The following SCHIP1 variants were observed in gnomAD, a reference collection of about 807,000 sequenced individuals.
SCHIP1 encodes the protein schwannomin-interacting protein 1.
Under a neutral mutation model 29.7 loss-of-function variants are expected in SCHIP1, and 8 were observed. That is an observed-to-expected ratio of 0.27 (90% CI 0.16 to 0.49). The LOEUF (loss-of-function observed/expected upper bound fraction) is 0.49, where lower values mean the gene tolerates loss of function less well. Ranked by LOEUF, SCHIP1 falls within the 20% of genes least tolerant of loss-of-function variation. The probability of loss-of-function intolerance (pLI) is 0.99; values close to 1 mark genes in which losing one functional copy is unlikely to be tolerated. For missense variants in SCHIP1, 193 were observed against 294.6 expected, an observed-to-expected ratio of 0.66 and a Z score of 2.52; for synonymous variants, 76 against 94.9, an observed-to-expected ratio of 0.80 and a Z score of 1.16.
the SCHIP1 span, among the ~76,000 whole-genome samples, chr3:159,834,559 T>C: frequency 6.6e-6 from 1 of 152,186 alleles, no homozygotes; most frequent in African/African-American, 2.4e-5. Context: ...TGCGAAGCAT[T>C]TTTAAAGGTT....
At chr3:159,302,390 C>G in the SCHIP1 span, among the ~76,000 whole-genome samples, 1 of 152,008 alleles carries the variant, frequency 6.6e-6, no homozygotes, top group Non-Finnish European at 1.5e-5. Flanking sequence ...AATATAGTAC[C>G]TGGGATTTTA....
At chr3:159,355,340 A>G in the SCHIP1 span, among the ~76,000 whole-genome samples, 2 of 152,164 alleles carry the variant, frequency 1.3e-5, no homozygotes, top group South Asian at 4.1e-4. Flanking sequence ...GCAGAAACCA[A>G]TGACACTCAT....
At chr3:159,629,268 G>C in the SCHIP1 span, among the ~76,000 whole-genome samples, 1 of 151,868 alleles carries the variant, frequency 6.6e-6, no homozygotes, top group African/African-American at 2.4e-5. Context: ...AACAGAAAGA[G>C]ACCCTGTCTA....
intron 2 of SCHIP1, among the ~76,000 whole-genome samples, chr3:159,867,989 A>G (rs1304730884): frequency 6.9e-6 from 1 of 144,172 alleles, no homozygotes; most frequent in African/African-American, 2.7e-5. Flanking sequence ...ATATATATAT[A>G]TAAATCAATG....
At chr3:159,524,443 C>T in the SCHIP1 span, among the ~76,000 whole-genome samples, 1 of 152,162 alleles carries the variant, frequency 6.6e-6, no homozygotes, top group African/African-American at 2.4e-5. Flanking sequence ...TTCATCTTGC[C>T]CAGATTCCTG....
the SCHIP1 span, chr3:159,768,301 T>C: frequency 6.6e-6 from 1 of 152,342 alleles, no homozygotes; most frequent in South Asian, 2.1e-4. Flanking sequence ...AAAACCCCCT[T>C]ACTTATGAGT....
At chr3:159,454,156 G>C in the SCHIP1 span, among the ~76,000 whole-genome samples, 2 of 152,228 alleles carry the variant, frequency 1.3e-5, no homozygotes, top group South Asian at 4.1e-4. Flanking sequence ...GAATCACAAG[G>C]GGAACCTGAA....
the SCHIP1 span, among the ~76,000 whole-genome samples, chr3:159,551,666 T>C: frequency 6.6e-6 from 1 of 152,210 alleles, no homozygotes; most frequent in African/African-American, 2.4e-5. Context: ...ATGTTAAGTT[T>C]TACCACCATG....
chr3:159,791,336 C>A, the SCHIP1 span, among the ~76,000 whole-genome samples: 71 of 152,294 alleles, frequency 4.7e-4, no homozygotes, highest in Middle Eastern at 3.4e-3. Flanking sequence ...AATGTGGAAA[C>A]CAAGGTAACA....
At chr3:159,689,714 G>T in the SCHIP1 span, among the ~76,000 whole-genome samples, 18 of 152,268 alleles carry the variant, frequency 1.2e-4, no homozygotes, top group African/African-American at 4.1e-4. Context: ...TGCCCATTCA[G>T]TATGATATTG....
chr3:159,464,834 A>G, the SCHIP1 span, among the ~76,000 whole-genome samples: 1 of 152,108 alleles, frequency 6.6e-6, no homozygotes, highest in Non-Finnish European at 1.5e-5. Context: ...AATCTTCTCT[A>G]TGGTGTTGCT....
At chr3:159,766,716 A>T in the SCHIP1 span, among the ~76,000 whole-genome samples, 1 of 152,154 alleles carries the variant, frequency 6.6e-6, no homozygotes, top group African/African-American at 2.4e-5. Flanking sequence ...GCACCCATGT[A>T]TGTGCTGTGT....
At chr3:159,602,944 T>C in the SCHIP1 span, among the ~76,000 whole-genome samples, 1 of 152,152 alleles carries the variant, frequency 6.6e-6, no homozygotes, top group Non-Finnish European at 1.5e-5. Context: ...CACCTGGAGA[T>C]AGCATGATAT....
chr3:159,340,548 T>C, the SCHIP1 span, among the ~76,000 whole-genome samples: 8 of 152,144 alleles, frequency 5.3e-5, no homozygotes. Context: ...TAAAAGACTT[T>C]TATGCATAAA....
the SCHIP1 span, chr3:159,764,421 ACT>A: frequency 1.3e-6 from 2 of 1,556,914 alleles, no homozygotes; most frequent in South Asian, 2.5e-5. This position sits in a 1 kb window ranked among gnomAD's most constrained non-coding sequence, Gnocchi z 6.1. Context: ...CCAGCAGCTC[ACT>A]CTCTACCTCC....
the SCHIP1 span, among the ~76,000 whole-genome samples, chr3:159,816,163 G>A: frequency 1.3e-5 from 2 of 151,918 alleles, no homozygotes; most frequent in Admixed American, 6.6e-5. Context: ...CGGCCAGGCT[G>A]GTCTTGAACT....
At chr3:159,455,426 C>A in the SCHIP1 span, among the ~76,000 whole-genome samples, 1 of 152,176 alleles carries the variant, frequency 6.6e-6, no homozygotes, top group African/African-American at 2.4e-5. Flanking sequence ...CAATAATATG[C>A]AGCATTGCAC....
chr3:159,346,281 TAA>T, the SCHIP1 span, among the ~76,000 whole-genome samples: 31,666 of 125,094 alleles, frequency 0.25, 3,820 homozygotes, highest in African/African-American at 0.34. Context: ...TTTTTTTTCT[TAA>T]AAAAAAAAAA....
At chr3:159,864,646 T>A (rs1714430281) in intron 1 of SCHIP1, among the ~76,000 whole-genome samples, 1 of 151,994 alleles carries the variant, frequency 6.6e-6, no homozygotes, top group Non-Finnish European at 1.5e-5. Context: ...TTAAAAAGTG[T>A]GAGAGAAAAG....
Sources: allele counts gnomAD v4.1 joint callset (sites outside exome capture counted in the v4.1 genomes callset), GRCh38; gene constraint gnomAD v4.1.1; non-coding constraint Gnocchi (gnomAD v3.1); transcripts MANE v1.5; gene names NCBI Gene and HGNC (gene_info 2026-07-23, HGNC 2026-07-21).